The following MTBP variants were observed in gnomAD, a reference collection of about 807,000 sequenced individuals.
MTBP encodes mdm2-binding protein.
In MTBP, 101 loss-of-function variants were observed where a neutral mutation model predicts 117.0. The ratio of observed to expected loss-of-function variants is 0.86; its 90% CI spans 0.73 to 1.02. The LOEUF is 1.02. MTBP is among the 50% of genes least tolerant of loss of function. The probability of loss-of-function intolerance (pLI) is 0.00; values close to 1 mark genes in which losing one functional copy is unlikely to be tolerated. For missense variants in MTBP, 970 were observed against 1,030.9 expected (o/e 0.94, Z 0.81); for synonymous variants, 350 against 351.5 (o/e 1.00, Z 0.05).
At position 120,445,560 on chromosome 8, in the gene MTBP, G is replaced by C; in HGVS notation, c.90G>C (p.Ser30=). The C allele has an allele frequency of 6.2e-7, 1 of 1,612,884 alleles. No homozygotes were observed. The highest frequency in any genetic ancestry group is 1.1e-5 in the South Asian group (1 of 91,030). ...SREAEHGPEV[S]SGEGTENQPD... ...AGGCAGAACATGGGCCAGAGGTGTC[G>C]TCGGGTGAGGGTACTGAGAATCAGC... is the stretch of plus-strand genomic sequence containing the variant. The change falls in exon 1 of 22, where the codon TCG becomes TCC. Residue 30 remains serine, a synonymous_variant. Coordinates refer to ENST00000305949, the MANE Select transcript of MTBP (RefSeq NM_022045.5).
chr8:120,511,394 C>G (rs1411055712), intron 17 of MTBP, among the ~76,000 whole-genome samples: 3 of 152,236 alleles, frequency 2.0e-5, no homozygotes, highest in Non-Finnish European at 4.4e-5. Context: ...TTCCCGGGTT[C>G]AAGTGATTCT....
intron 11 of MTBP, chr8:120,472,894 T>C (rs1813850290): frequency 6.6e-6 from 1 of 152,158 alleles, no homozygotes; most frequent in Non-Finnish European, 1.5e-5. Flanking sequence ...AGAATGTTAG[T>C]TAGGAATGGT....
At chr8:120,452,938 T>C (rs1813389960) in intron 4 of MTBP, 2 of 152,112 alleles carry the variant, frequency 1.3e-5, no homozygotes, top group African/African-American at 4.8e-5. Flanking sequence ...ATAAGATGCC[T>C]TAAGTTTCTA....
chr8:120,448,744 T>C lies in MTBP; in HGVS notation c.199+2231T>C, dbSNP rs577304922. Among the ~76,000 whole-genome samples, 3 of 152,304 alleles carry C rather than the reference T, an allele frequency of 2.0e-5. No homozygotes were observed. The East Asian group carries it at 5.8e-4, about 29-fold the overall frequency. ...AATTTGAACCAGGTTGTTGGGGAAC[T>C]GGTGTTGTTTAAGCTACAGTAACTG... On this transcript the variant is annotated intron_variant, in intron 2 of 21. Transcript: ENST00000305949.
Position 120,520,026 on chromosome 8 carries a change from C to G in MTBP, c.2610+1209C>G, listed in dbSNP as rs545959860. Among the ~76,000 whole-genome samples the G allele has an allele frequency of 4.9e-4, 75 of 152,154 alleles. 1 individual carries two copies. Among genetic ancestry groups the G allele is most frequent in the African/African-American group, 1.7e-3 (70 of 41,522 alleles). On this transcript the variant is annotated intron_variant, in intron 20 of 21. Transcript: ENST00000305949. ...TTGTCACTCTACCTTGAAAAGAAAC[C>G]AGTGACAATCTCTGCACAGAGTTTC...
At chr8:120,488,572 A>G (rs1166157426) in intron 12 of MTBP, among the ~76,000 whole-genome samples, 1 of 152,190 alleles carries the variant, frequency 6.6e-6, no homozygotes, top group Non-Finnish European at 1.5e-5. Context: ...TCAGCCTTCA[A>G]TTCTAAAAAT....
rs1230940558 is a variant in MTBP at position 120,488,217 on chromosome 8, T to A, written c.1224T>A (p.Asn408Lys). The A allele has an allele frequency of 1.3e-6, 2 of 1,596,814 alleles. No homozygotes were observed. The highest frequency in any genetic ancestry group is 1.4e-5 in the African/African-American group (1 of 73,906). The change falls in exon 12 of 22, where the codon AAT becomes AAA. Residue 408 changes from asparagine to lysine, a missense_variant. Coordinates refer to ENST00000305949, the MANE Select transcript of MTBP (RefSeq NM_022045.5). Reference protein sequence around the residue: ...CSSYYLLLQGNGNRRCKATLI... With the variant: ...CSSYYLLLQGKGNRRCKATLI... ...GCTATTATCTCTTGTTACAAGGTAA[T>A]GGCAATAGAAGATGTAAAGCCACAT...
Position 120,523,339 on chromosome 8 carries a change from C to A in MTBP, c.*3C>A. ...TAGAAAAGACAAGCAAGAAATGATA[C>A]ATAATCATTCTCTTTAAGACAATTA... On this transcript the variant is annotated 3_prime_UTR_variant, in exon 22 of 22. Coordinates refer to ENST00000305949, the MANE Select transcript of MTBP (RefSeq NM_022045.5). 1 of 1,527,618 alleles carries A rather than the reference C, an allele frequency of 6.5e-7. No individual in the cohort carries two copies. 94.6% of individuals were successfully genotyped at this position (1,527,618 alleles called of 1,614,324 possible). A position where few individuals can be genotyped will look rare whatever the true frequency, so the allele number is the denominator to read the frequency against.
At chr8:120,464,128 T>C (rs1400352362) in intron 10 of MTBP, among the ~76,000 whole-genome samples, 1 of 152,038 alleles carries the variant, frequency 6.6e-6, no homozygotes, top group Non-Finnish European at 1.5e-5. Context: ...CTTTTTCTCA[T>C]TGTAGGGCAG....
intron 10 of MTBP, among the ~76,000 whole-genome samples, chr8:120,470,380 A>G (rs776689762): frequency 1.7e-4 from 26 of 152,178 alleles, no homozygotes; most frequent in Non-Finnish European, 3.2e-4. Flanking sequence ...CTTCAAATGT[A>G]TTTTAATTTT....
chr8:120,500,653 A>G (rs1439074419), intron 14 of MTBP, among the ~76,000 whole-genome samples: 1 of 152,280 alleles, frequency 6.6e-6, no homozygotes, highest in Non-Finnish European at 1.5e-5. Context: ...AGGGCAGTTC[A>G]ATATAGGTAT....
intron 20 of MTBP, among the ~76,000 whole-genome samples, chr8:120,521,382 A>G (rs1815005056): frequency 6.6e-6 from 1 of 152,334 alleles, no homozygotes. Context: ...AATAGTGTAA[A>G]CACTGCCTAT....
At position 120,463,770 on chromosome 8, in the gene MTBP, G is replaced by A. The variant is rs768647758; in HGVS notation, c.1047+9G>A. The A allele has an allele frequency of 1.2e-6, 2 of 1,607,900 alleles. No individual in the cohort carries two copies. The highest frequency in any genetic ancestry group is 3.4e-5 in the Admixed American group (2 of 59,168). On this transcript the variant is annotated intron_variant, in intron 10 of 21. Transcript: ENST00000305949. Reference sequence around the variant, plus strand: ...CTTCTCTGTGTAGCAAGGTATTGAGGGTTTCTTGGGGGTTTTTTGTTTGTT... The same window carrying A: ...CTTCTCTGTGTAGCAAGGTATTGAGAGTTTCTTGGGGGTTTTTTGTTTGTT...
intron 7 of MTBP, among the ~76,000 whole-genome samples, chr8:120,458,394 T>C (rs1029655876): frequency 1.3e-5 from 2 of 152,168 alleles, no homozygotes; most frequent in Non-Finnish European, 2.9e-5. Context: ...AAGCACAGAG[T>C]AACCACTCAG....
intron 11 of MTBP, among the ~76,000 whole-genome samples, chr8:120,487,547 A>G (rs1814245451): frequency 1.3e-5 from 2 of 152,250 alleles, no homozygotes; most frequent in Non-Finnish European, 2.9e-5. Context: ...CAACAAAGAA[A>G]GATTCTACTT....
At chr8:120,484,715 A>G (rs1413493441) in intron 11 of MTBP, among the ~76,000 whole-genome samples, 1 of 152,218 alleles carries the variant, frequency 6.6e-6, no homozygotes, top group Non-Finnish European at 1.5e-5. Flanking sequence ...TTAAAATATA[A>G]TCACAGAATT....
intron 11 of MTBP, among the ~76,000 whole-genome samples, chr8:120,474,922 G>T (rs901497875): frequency 3.0e-4 from 45 of 151,998 alleles, no homozygotes; most frequent in Non-Finnish European, 5.6e-4. Context: ...GGTATTAATG[G>T]TAAAAACAAG....
intron 14 of MTBP, among the ~76,000 whole-genome samples, chr8:120,497,802 GGAA>G (rs1407644286): frequency 6.6e-6 from 1 of 152,098 alleles, no homozygotes; most frequent in Non-Finnish European, 1.5e-5. Context: ...TTTGGGCAGA[GGAA>G]GAAGCACTTT....
At chr8:120,508,727 C>G (rs1468722400) in intron 16 of MTBP, among the ~76,000 whole-genome samples, 1 of 152,072 alleles carries the variant, frequency 6.6e-6, no homozygotes, top group Non-Finnish European at 1.5e-5. Flanking sequence ...TTCTACATAC[C>G]ATTTCCAACT....
Sources: allele counts gnomAD v4.1 joint callset (sites outside exome capture counted in the v4.1 genomes callset), GRCh38; gene constraint gnomAD v4.1.1; transcripts MANE v1.5; gene names NCBI Gene and HGNC (gene_info 2026-07-23, HGNC 2026-07-21).